The following GRID1 variants were observed in gnomAD, a reference collection of about 807,000 sequenced individuals.
GRID1 encodes glutamate ionotropic receptor delta type subunit 1, also known as glutamate receptor ionotropic, delta-1.
In GRID1, 28 loss-of-function variants were observed where a neutral mutation model predicts 98.0. The ratio of observed to expected loss-of-function variants is 0.29; its 90% confidence interval spans 0.21 to 0.39. The LOEUF (loss-of-function observed/expected upper bound fraction) is 0.39, where lower values mean the gene tolerates loss of function less well. Among genes scored for constraint, GRID1 ranks in the 10% least tolerant of loss-of-function variants. GRID1 has a pLI of 1.00. For missense variants in GRID1, 1,111 were observed against 1,340.5 expected, an observed-to-expected ratio of 0.83 and a Z score of 2.67; for synonymous variants, 553 against 538.5, an observed-to-expected ratio of 1.03 and a Z score of -0.37.
chr10:85,796,491 T>C (rs913241036), intron 8 of GRID1, among the ~76,000 whole-genome samples: 1 of 152,168 alleles, frequency 6.6e-6, no homozygotes, highest in African/African-American at 2.4e-5. Flanking sequence ...ACTTATGTAA[T>C]GCCACAAGAA....
intron 5 of GRID1, among the ~76,000 whole-genome samples, chr10:85,911,353 A>AGGAT (rs1841534931): frequency 6.6e-6 from 1 of 152,120 alleles, no homozygotes; most frequent in Admixed American, 6.5e-5. Flanking sequence ...CCAAGTCAAG[A>AGGAT]GGATCTTGAG....
intron 4 of GRID1, among the ~76,000 whole-genome samples, chr10:86,126,747 C>T (rs1844760691): frequency 6.6e-6 from 1 of 152,218 alleles, no homozygotes; most frequent in Admixed American, 6.5e-5. Flanking sequence ...CACAGGAAGT[C>T]CAAATTTCTG....
At chr10:85,981,632 C>T (rs1180949682) in intron 4 of GRID1, among the ~76,000 whole-genome samples, 2 of 152,202 alleles carry the variant, frequency 1.3e-5, no homozygotes, top group African/African-American at 4.8e-5. Flanking sequence ...TCTAAAGCTT[C>T]CCTTTCCTTC....
chr10:85,757,651 G>A (rs1165514677), intron 8 of GRID1, among the ~76,000 whole-genome samples: 2 of 152,210 alleles, frequency 1.3e-5, no homozygotes, highest in African/African-American at 4.8e-5. Flanking sequence ...TAAAGACGAG[G>A]AACAGGAGCT....
intron 2 of GRID1, among the ~76,000 whole-genome samples, chr10:86,266,807 C>T (rs1169783828): frequency 6.6e-6 from 1 of 152,196 alleles, no homozygotes; most frequent in African/African-American, 2.4e-5. Context: ...CTTAAGTCCC[C>T]AGAGTTTTCT....
At chr10:85,674,955 T>C (rs1408772563) in intron 12 of GRID1, among the ~76,000 whole-genome samples, 2 of 152,218 alleles carry the variant, frequency 1.3e-5, no homozygotes, top group Non-Finnish European at 2.9e-5. Context: ...CATTGGAGTT[T>C]ATTGGAAATT....
At chr10:85,681,867 C>T (rs189448009) in intron 12 of GRID1, among the ~76,000 whole-genome samples, 2 of 152,266 alleles carry the variant, frequency 1.3e-5, no homozygotes, top group African/African-American at 2.4e-5. Context: ...AGAGTGGATG[C>T]TCAACCAGAG....
intron 4 of GRID1, among the ~76,000 whole-genome samples, chr10:85,965,968 C>T (rs1416397462): frequency 6.6e-6 from 1 of 152,142 alleles, no homozygotes; most frequent in Non-Finnish European, 1.5e-5. Flanking sequence ...CCAGCAATCA[C>T]TCAACCCAGG....
intron 4 of GRID1, among the ~76,000 whole-genome samples, chr10:85,944,211 C>T (rs1422390263): frequency 6.6e-6 from 1 of 152,186 alleles, no homozygotes; most frequent in Non-Finnish European, 1.5e-5. Flanking sequence ...ACTGGTGGCC[C>T]ACAGAATTGT....
chr10:85,675,343 G>A (rs946701690), intron 12 of GRID1, among the ~76,000 whole-genome samples: 2 of 152,116 alleles, frequency 1.3e-5, no homozygotes, highest in African/African-American at 4.8e-5. Flanking sequence ...CCACCCACCA[G>A]CTATTCCAGA....
At chr10:86,283,420 G>T (rs1847382918) in intron 2 of GRID1, among the ~76,000 whole-genome samples, 1 of 152,146 alleles carries the variant, frequency 6.6e-6, no homozygotes. Context: ...TGGAAGGAAG[G>T]ATTCAGCAGG....
chr10:85,618,722 A>C (rs897549111), intron 14 of GRID1, among the ~76,000 whole-genome samples: 1 of 152,106 alleles, frequency 6.6e-6, no homozygotes, highest in African/African-American at 2.4e-5. Flanking sequence ...AGAAGGGCAC[A>C]ATCTGGACAT....
chr10:85,879,230 A>G (rs1041752760), intron 5 of GRID1, among the ~76,000 whole-genome samples: 7 of 152,148 alleles, frequency 4.6e-5, no homozygotes, highest in Non-Finnish European at 1.0e-4. Context: ...AAAGTCAACA[A>G]GGATACCCAG....
At chr10:85,903,935 G>A (rs978043857) in intron 5 of GRID1, among the ~76,000 whole-genome samples, 1 of 152,172 alleles carries the variant, frequency 6.6e-6, no homozygotes, top group Non-Finnish European at 1.5e-5. Context: ...CCTATGTAAA[G>A]TGGAATCCAT....
intron 8 of GRID1, among the ~76,000 whole-genome samples, chr10:85,844,618 A>G (rs940440086): frequency 6.6e-6 from 1 of 152,168 alleles, no homozygotes; most frequent in Non-Finnish European, 1.5e-5. Context: ...ACTATTTATT[A>G]AAACTGCATG....
At position 86,345,334 on chromosome 10, in the gene GRID1, G is replaced by A. The variant is rs192333726; in HGVS notation, c.235+18607C>T. On this transcript the variant is annotated intron_variant, in intron 2 of 15. Transcript: ENST00000327946. ...GAACAGGGGACCCTGGGGTGGAAAA[G>A]AGAGAGGCCTGGGTCTATCAGACCT... Among the ~76,000 whole-genome samples the A allele has an allele frequency of 1.5e-4, 23 of 152,274 alleles. No individual in the cohort carries two copies. The East Asian group carries it at 4.4e-3, about 29-fold the overall frequency.
intron 2 of GRID1, among the ~76,000 whole-genome samples, chr10:86,326,941 GC>G (rs749532259): frequency 1.5e-4 from 23 of 152,218 alleles, no homozygotes; most frequent in Non-Finnish European, 3.1e-4. Context: ...TTCGAGACCA[GC>G]CTGGCCAACA....
chr10:85,826,965 C>CA (rs1459787375), intron 8 of GRID1, among the ~76,000 whole-genome samples: 1 of 151,954 alleles, frequency 6.6e-6, no homozygotes, highest in East Asian at 1.9e-4. Flanking sequence ...AAAATGAAAG[C>CA]AAAAAATCTC....
At chr10:85,900,771 A>G (rs1200107113) in intron 5 of GRID1, among the ~76,000 whole-genome samples, 1 of 152,144 alleles carries the variant, frequency 6.6e-6, no homozygotes, top group Non-Finnish European at 1.5e-5. Context: ...TCATCTTTCA[A>G]ATTCTTATGA....
Sources: gnomAD v4.1 joint callset for allele counts (sites outside exome capture counted in the v4.1 genomes callset) on GRCh38, gnomAD v4.1.1 for gene constraint, MANE v1.5 for transcripts, NCBI Gene and HGNC (gene_info 2026-07-23, HGNC 2026-07-21) for gene names.